The following CA6 variants were observed in gnomAD, a reference collection of about 807,000 sequenced individuals.
The protein encoded by CA6 is carbonate dehydratase VI.
A neutral mutation model predicts 35.9 loss-of-function variants in CA6; 28 were observed. That is an observed-to-expected ratio of 0.78 (90% CI 0.58 to 1.07). The LOEUF is 1.07. Among genes scored for constraint, CA6 ranks in the 50% least tolerant of loss-of-function variants. CA6 has a pLI of 0.00. For synonymous variants in CA6, 148 were observed against 152.6 expected (o/e 0.97, Z 0.22); for missense variants, 377 against 382.0 (o/e 0.99, Z 0.11).
At chr1:8,957,585 C>T (rs1639722778) in intron 3 of CA6, among the ~76,000 whole-genome samples, 1 of 152,242 alleles carries the variant, frequency 6.6e-6, no homozygotes, top group African/African-American at 2.4e-5. Context: ...AGGTGATCCA[C>T]CCGCCTTGGC....
At chr1:8,951,269 G>T (rs115263823) in intron 2 of CA6, among the ~76,000 whole-genome samples, 4,444 of 152,054 alleles carry the variant, frequency 0.029, 246 homozygotes, top group African/African-American at 0.1. Context: ...TATAGGGTTG[G>T]TGAAAGTAGC....
intron 5 of CA6, among the ~76,000 whole-genome samples, chr1:8,964,368 C>A (rs2124177385): frequency 6.6e-6 from 1 of 152,276 alleles, no homozygotes; most frequent in African/African-American, 2.4e-5. Flanking sequence ...CTGCCTCAGC[C>A]CCCTGAGTAG....
At chr1:8,967,943 C>A in intron 6 of CA6, 127 bp downstream of exon 6, 2 of 653,736 alleles carry the variant, frequency 3.1e-6, no homozygotes, top group Non-Finnish European at 5.0e-6. Flanking sequence ...TGCAGGGCTA[C>A]TGTGCCTCGT....
chr1:8,945,890 AG>A lies in CA6; in HGVS notation c.7del (p.Ala3ProfsTer61). On this transcript the variant is annotated frameshift_variant, in exon 1 of 8. Transcript: ENST00000377443. LOFTEE classifies it high-confidence loss of function. ...TTCATTACAGATGTGCAGCACCATG[AG>A]GGCCCTGGTGCTTCTGCTGTCCCTG... The part of the protein sequence containing the change: M[R>X]ALVLLLSLFL... 2 of 1,606,750 alleles carry A rather than the reference AG, an allele frequency of 1.2e-6. No individual in the cohort carries two copies. The highest frequency in any genetic ancestry group is 1.7e-6 in the Non-Finnish European group (2 of 1,173,446).
intron 7 of CA6, chr1:8,974,310 G>T: frequency 1.5e-6 from 2 of 1,338,110 alleles, no homozygotes; most frequent in South Asian, 1.5e-5. Flanking sequence ...CGGACCTCTT[G>T]CGATTTATTT....
intron 2 of CA6, among the ~76,000 whole-genome samples, chr1:8,956,900 C>T (rs1304613610): frequency 6.6e-6 from 1 of 152,174 alleles, no homozygotes; most frequent in Non-Finnish European, 1.5e-5. Flanking sequence ...TGGGGAGAGG[C>T]ACTTGCCCAG....
intron 1 of CA6, among the ~76,000 whole-genome samples, chr1:8,946,221 A>G (rs1398359540): frequency 6.6e-6 from 1 of 151,972 alleles, no homozygotes; most frequent in Non-Finnish European, 1.5e-5. Flanking sequence ...TATTTTTAGT[A>G]GAGACAGGGT....
At chr1:8,957,764 T>C (rs886162766) in intron 3 of CA6, among the ~76,000 whole-genome samples, 10 of 139,106 alleles carry the variant, frequency 7.2e-5, no homozygotes, top group Non-Finnish European at 1.5e-4. Flanking sequence ...GCCTGGGCAA[T>C]GTAGCGAGAT....
chr1:8,957,534 T>C (rs1639721236), intron 3 of CA6, among the ~76,000 whole-genome samples: 1 of 152,076 alleles, frequency 6.6e-6, no homozygotes, highest in Non-Finnish European at 1.5e-5. Flanking sequence ...AGAGACGGGA[T>C]TTCACCATTT....
intron 5 of CA6, among the ~76,000 whole-genome samples, chr1:8,965,326 A>G (rs1569711751): frequency 2.0e-5 from 3 of 152,142 alleles, no homozygotes; most frequent in Non-Finnish European, 4.4e-5. Context: ...TCACAGTATG[A>G]TGCAACCATC....
At chr1:8,973,780 CTTTCTTT>C (rs1274744591) in intron 7 of CA6, among the ~76,000 whole-genome samples, 288 of 22,064 alleles carry the variant, frequency 0.013, 31 homozygotes, top group African/African-American at 0.063. Flanking sequence ...TTCTTTCTTT[CTTTCTTT>C]TCCCTCCCTC....
intron 5 of CA6, among the ~76,000 whole-genome samples, chr1:8,965,312 A>C (rs1014538263): frequency 6.6e-6 from 1 of 152,144 alleles, no homozygotes; most frequent in South Asian, 2.1e-4. Flanking sequence ...AGCATTAAGA[A>C]CATTCACAGT....
At chr1:8,956,162 G>A (rs561956888) in intron 2 of CA6, among the ~76,000 whole-genome samples, 2 of 152,230 alleles carry the variant, frequency 1.3e-5, no homozygotes, top group African/African-American at 4.8e-5. Context: ...GGCGGAGGTT[G>A]CAGTGAGCCT....
rs774481740 is a variant in CA6 at position 8,964,093 on chromosome 1, C to T, written c.571+1437C>T. Among the ~76,000 whole-genome samples the T allele has an allele frequency of 1.9e-3, 286 of 152,222 alleles. 2 individuals carry two copies. Among genetic ancestry groups the T allele is most frequent in the Non-Finnish European group, 1.3e-4 (9 of 68,002 alleles). On this transcript the variant is annotated intron_variant, in intron 5 of 7. Coordinates refer to ENST00000377443, the MANE Select transcript of CA6 (RefSeq NM_001215.4). ...ACCCACGTGCATCTGGACCAAATTC[C>T]ACATCCCCTCTTCAGCTGCAACGGA... is the stretch of plus-strand genomic sequence containing the variant.
chr1:8,969,987 TG>T (rs1232314400), intron 6 of CA6, among the ~76,000 whole-genome samples: 2 of 152,004 alleles, frequency 1.3e-5, no homozygotes, highest in African/African-American at 2.4e-5. Context: ...AGTGGGCGAA[TG>T]GCCTGAGGAG....
chr1:8,947,515 G>T (rs1212492028), intron 1 of CA6, among the ~76,000 whole-genome samples: 1 of 152,078 alleles, frequency 6.6e-6, no homozygotes, highest in Non-Finnish European at 1.5e-5. Context: ...TCTTACACAT[G>T]GCAGTGCCTC....
In CA6 at chr1:8,974,711, C is replaced by G; in HGVS notation, c.*7C>G. 6.4e-7 allele frequency: 1 copy of G among 1,568,310 alleles called. No homozygotes were observed. Among genetic ancestry groups the G allele is most frequent in the Non-Finnish European group, 8.7e-7 (1 of 1,150,604 alleles). Reference sequence around the variant, plus strand: ...AAGAAGAGCATTGAACTGAGGAAAGCTAAGAGGAAGATTCAATATTAACTA... The same window carrying G: ...AAGAAGAGCATTGAACTGAGGAAAGGTAAGAGGAAGATTCAATATTAACTA... On this transcript the variant is annotated 3_prime_UTR_variant, in exon 8 of 8. Coordinates refer to ENST00000377443, the MANE Select transcript of CA6 (RefSeq NM_001215.4).
rs1179352865 is a variant in CA6, at chr1:8,974,831, C to G, written c.*127C>G. The G allele has an allele frequency of 1.8e-6, 1 of 560,756 alleles. No homozygotes were observed. Among genetic ancestry groups the G allele is most frequent in the East Asian group, 3.2e-5 (1 of 31,014 alleles). The allele number at this position is 560,756 out of a possible 1,614,324, so 34.7% of individuals were successfully genotyped here. On this transcript the variant is annotated 3_prime_UTR_variant, in exon 8 of 8. Transcript: ENST00000377443. ...GTGTGTCTGGAACACGCTGCTCCCC[C>G]TGGGGCAGCTGTTGGGATTCTGATT... is the stretch of plus-strand genomic sequence containing the variant.
intron 5 of CA6, among the ~76,000 whole-genome samples, chr1:8,964,553 T>C (rs531280401): frequency 2.0e-5 from 3 of 151,994 alleles, no homozygotes; most frequent in African/African-American, 7.2e-5. Context: ...GTCTGCATCG[T>C]TGATGTCTTA....
Sources: allele counts gnomAD v4.1 joint callset (sites outside exome capture counted in the v4.1 genomes callset), GRCh38; gene constraint gnomAD v4.1.1; transcripts MANE v1.5; gene names NCBI Gene and HGNC (gene_info 2026-07-23, HGNC 2026-07-21).